PBX3: variants seen among roughly 807,000 people sequenced by gnomAD.
PBX3 encodes the protein pre-B-cell leukemia transcription factor 3.
PBX3 carries 14 observed loss-of-function variants against 48.5 expected under a neutral mutation model. The ratio of observed to expected loss-of-function variants is 0.29; its 90% CI spans 0.19 to 0.45. PBX3 has a LOEUF of 0.45. Ranked by LOEUF, PBX3 falls within the 20% of genes least tolerant of loss-of-function variation. The probability of loss-of-function intolerance (pLI) is 1.00; values close to 1 mark genes in which losing one functional copy is unlikely to be tolerated. For synonymous variants in PBX3, 210 were observed against 200.3 expected (o/e 1.05, Z -0.41); for missense variants, 386 against 546.7 (o/e 0.71, Z 2.93).
At chr9:125,823,090 G>A (rs1473797769) in intron 2 of PBX3, among the ~76,000 whole-genome samples, 1 of 151,978 alleles carries the variant, frequency 6.6e-6, no homozygotes, top group Non-Finnish European at 1.5e-5. Flanking sequence ...CCTCTTGTAT[G>A]TGTAAGTTTG....
chr9:125,755,586 G>A (rs1836491868), intron 2 of PBX3, among the ~76,000 whole-genome samples: 1 of 151,572 alleles, frequency 6.6e-6, no homozygotes, highest in African/African-American at 2.4e-5. Context: ...TAATTAGAGG[G>A]CATTATGCAA....
At chr9:125,907,987 T>C (rs562426336) in intron 2 of PBX3, among the ~76,000 whole-genome samples, 2 of 152,222 alleles carry the variant, frequency 1.3e-5, no homozygotes, top group African/African-American at 4.8e-5. Flanking sequence ...CAGTTGCTGC[T>C]TGGCATGTAG....
In PBX3 at chr9:125,960,664, C is replaced by G. The variant is rs1842409095; in HGVS notation, c.844-20C>G. 3 of 1,612,970 alleles carry G rather than the reference C, an allele frequency of 1.9e-6. No individual in the cohort carries two copies. The highest frequency in any genetic ancestry group is 1.7e-6 in the Non-Finnish European group (2 of 1,179,116). Reference sequence around the variant, plus strand: ...TTCTTCCTCTCTTCCCCTTCACCTCCATGTCCCTGCAATTTGTAGGTATCC... The same window carrying G: ...TTCTTCCTCTCTTCCCCTTCACCTCGATGTCCCTGCAATTTGTAGGTATCC... On this transcript the variant is annotated intron_variant, in intron 5 of 8. Transcript: ENST00000373489.
At chr9:125,873,583 T>A (rs918711139) in intron 2 of PBX3, among the ~76,000 whole-genome samples, 1 of 151,686 alleles carries the variant, frequency 6.6e-6, no homozygotes, top group Non-Finnish European at 1.5e-5. Flanking sequence ...TTAAAATGTT[T>A]TCTAAATCAT....
At chr9:125,937,822 A>G (rs186465993) in intron 5 of PBX3, among the ~76,000 whole-genome samples, 22 of 151,962 alleles carry the variant, frequency 1.4e-4, no homozygotes, top group African/African-American at 2.7e-4. Flanking sequence ...CACCACACCC[A>G]GCTGATTTTT....
intron 2 of PBX3, among the ~76,000 whole-genome samples, chr9:125,901,201 A>C (rs1354489055): frequency 6.6e-6 from 1 of 151,700 alleles, no homozygotes; most frequent in African/African-American, 2.4e-5. Flanking sequence ...AGGGAGCTCA[A>C]AGGTGGCTGG....
At chr9:125,843,640 G>C in intron 2 of PBX3, 1 of 253,256 alleles carries the variant, frequency 3.9e-6, no homozygotes, top group Non-Finnish European at 8.3e-6. Context: ...CAACAGTCCC[G>C]AAAGAATATT....
intron 2 of PBX3, among the ~76,000 whole-genome samples, chr9:125,804,618 C>T (rs922362413): frequency 6.6e-6 from 1 of 152,114 alleles, no homozygotes; most frequent in Non-Finnish European, 1.5e-5. Flanking sequence ...ATGTGCCAGG[C>T]ACTGTGCTAG....
chr9:125,770,300 C>T (rs1836908710), intron 2 of PBX3, among the ~76,000 whole-genome samples: 1 of 152,060 alleles, frequency 6.6e-6, no homozygotes, highest in Non-Finnish European at 1.5e-5. Context: ...AAAAAAATCT[C>T]CAGAGTAAAA....
At chr9:125,843,749 G>A (rs955160014) in intron 2 of PBX3, 4 of 452,610 alleles carry the variant, frequency 8.8e-6, no homozygotes, top group Admixed American at 4.7e-5. Context: ...GAGGTCATAA[G>A]CTGAGCTCAG....
intron 2 of PBX3, among the ~76,000 whole-genome samples, chr9:125,835,947 G>A (rs1342872926): frequency 6.6e-6 from 1 of 152,192 alleles, no homozygotes; most frequent in Non-Finnish European, 1.5e-5. Flanking sequence ...ATCAGCCTTA[G>A]TGTCTATCAG....
At chr9:125,866,894 C>T (rs1839995219) in intron 2 of PBX3, among the ~76,000 whole-genome samples, 1 of 152,098 alleles carries the variant, frequency 6.6e-6, no homozygotes, top group African/African-American at 2.4e-5. Flanking sequence ...TTTGATTAGG[C>T]AACTAAATTT....
At chr9:125,822,363 C>T (rs561442673) in intron 2 of PBX3, among the ~76,000 whole-genome samples, 23 of 152,218 alleles carry the variant, frequency 1.5e-4, no homozygotes, top group Non-Finnish European at 2.2e-4. Flanking sequence ...TGCTCTTACA[C>T]GTAGCCATGG....
chr9:125,872,471 A>G (rs1840147679), intron 2 of PBX3, among the ~76,000 whole-genome samples: 1 of 152,206 alleles, frequency 6.6e-6, no homozygotes, highest in South Asian at 2.1e-4. Flanking sequence ...TAGCTATGTG[A>G]TATCAGATAA....
At chr9:125,896,781 A>T (rs1359174698) in intron 2 of PBX3, among the ~76,000 whole-genome samples, 1 of 152,028 alleles carries the variant, frequency 6.6e-6, no homozygotes, top group Non-Finnish European at 1.5e-5. Flanking sequence ...GCAGAGAAGC[A>T]GAGTGAGGTA....
At chr9:125,913,112 A>G (rs80173127) in intron 2 of PBX3, among the ~76,000 whole-genome samples, 5,682 of 152,236 alleles carry the variant, frequency 0.037, 372 homozygotes, top group African/African-American at 0.13. Context: ...CACTTTTCAG[A>G]CTAGTTATGA....
At chr9:125,953,511 T>G (rs555487911) in intron 5 of PBX3, among the ~76,000 whole-genome samples, 5 of 152,108 alleles carry the variant, frequency 3.3e-5, no homozygotes, top group Non-Finnish European at 7.4e-5. Context: ...GTGGATATCT[T>G]TGTACATTTA....
intron 2 of PBX3, among the ~76,000 whole-genome samples, chr9:125,878,062 A>G (rs957491522): frequency 3.9e-5 from 6 of 152,218 alleles, no homozygotes; most frequent in Non-Finnish European, 7.3e-5. Context: ...GTGCACAACC[A>G]TAGTACTCTT....
At chr9:125,954,834 G>C (rs924705388) in intron 5 of PBX3, among the ~76,000 whole-genome samples, 1 of 152,182 alleles carries the variant, frequency 6.6e-6, no homozygotes, top group Non-Finnish European at 1.5e-5. Flanking sequence ...ACCATGCCTG[G>C]CCTATGTATT....
Sources: gnomAD v4.1 joint callset for allele counts (sites outside exome capture counted in the v4.1 genomes callset) on GRCh38, gnomAD v4.1.1 for gene constraint, MANE v1.5 for transcripts, NCBI Gene and HGNC (gene_info 2026-07-23, HGNC 2026-07-21) for gene names.